Variants in CFAP46 observed in about 807,000 individuals in gnomAD.
The protein encoded by CFAP46 is cilia- and flagella-associated protein 46.
Under a neutral mutation model 325.7 loss-of-function variants are expected in CFAP46, and 245 were observed. The observed-to-expected ratio is 0.75, with a 90% CI of 0.68 to 0.84. CFAP46 has a LOEUF of 0.84. Among genes scored for constraint, CFAP46 ranks in the 40% least tolerant of loss-of-function variants. The probability of loss-of-function intolerance (pLI) is 0.00; values close to 1 mark genes in which losing one functional copy is unlikely to be tolerated. For synonymous variants in CFAP46, 1,523 were observed against 1,495.9 expected (o/e 1.02, Z -0.42); for missense variants, 3,346 against 3,543.0 (o/e 0.94, Z 1.41).
intron 6 of CFAP46, 77 bp from the exon 7 acceptor site, chr10:132,937,132 A>G (rs1850020660): frequency 1.2e-6 from 1 of 838,894 alleles, no homozygotes; most frequent in African/African-American, 1.8e-5. Context: ...TCTAGATTTT[A>G]TTTTCTCATT....
chr10:132,942,414 G>T, intron 1 of CFAP46, 22 bp downstream of exon 1: 16 of 1,364,354 alleles, frequency 1.2e-5, no homozygotes, highest in Non-Finnish European at 1.5e-5. Flanking sequence ...CGGGGCGGGG[G>T]TCGTGGCGGG....
chr10:132,872,422 A>C (rs908414395), intron 32 of CFAP46: 3 of 441,634 alleles, frequency 6.8e-6, no homozygotes, highest in African/African-American at 6.0e-5. Flanking sequence ...CCTGGCTAAT[A>C]TATTTTTTAA....
chr10:132,865,544 T>C (rs1848799913), intron 35 of CFAP46, among the ~76,000 whole-genome samples: 1 of 152,188 alleles, frequency 6.6e-6, no homozygotes, highest in Admixed American at 6.5e-5. Context: ...GGGCTTTCGC[T>C]GGGGACCGTA....
Position 132,833,341 on chromosome 10 carries a change from C to T in CFAP46, c.7117+17G>A, listed in dbSNP as rs761289998. 3.1e-6 allele frequency: 5 copies of T among 1,601,166 alleles called. No homozygotes were observed. The East Asian group carries it at 6.7e-5, about 22-fold the overall frequency. ...ATTTTAAAATTACACATTAAGGTGG[C>T]TGAGGGCAGTTCCTACCTGTCTCTT... On this transcript the variant is annotated intron_variant, in intron 50 of 57. Coordinates refer to ENST00000368586, the MANE Select transcript of CFAP46 (RefSeq NM_001200049.3).
intron 41 of CFAP46, among the ~76,000 whole-genome samples, chr10:132,849,538 G>A (rs555630297): frequency 1.4e-4 from 21 of 152,316 alleles, no homozygotes; most frequent in African/African-American, 5.1e-4. Context: ...CAAGTGTTTA[G>A]GAAGGTGACC....
chr10:132,905,396 CTT>C (rs1347320835), intron 22 of CFAP46, among the ~76,000 whole-genome samples: 3 of 151,146 alleles, frequency 2.0e-5, no homozygotes, highest in Admixed American at 1.3e-4. Context: ...GGGGACAGCT[CTT>C]GACTACCTTT....
At chr10:132,903,857 T>C (rs1235706951) in intron 22 of CFAP46, among the ~76,000 whole-genome samples, 1 of 152,246 alleles carries the variant, frequency 6.6e-6, no homozygotes, top group Admixed American at 6.5e-5. Flanking sequence ...AATGACACTC[T>C]TAAGACTATT....
rs1240073247 is a variant in CFAP46, at chr10:132,884,500, GGCCTGGGAT to G, written c.3627+594_3627+602del. On this transcript the variant is annotated intron_variant, in intron 27 of 57. Transcript: ENST00000368586. This position sits in a 1 kb window ranked among gnomAD's most constrained non-coding sequence, Gnocchi z 5.4. ...AAAGGTTCATGCCTTTCACACCAGG[GGCCTGGGAT>G]GCCTTTTCGTCCCCAAGATGAAGTT... Among the ~76,000 whole-genome samples, 3 of 152,104 alleles carry G rather than the reference GGCCTGGGAT, an allele frequency of 2.0e-5. No homozygotes were observed. The highest frequency in any genetic ancestry group is 2.9e-5 in the Non-Finnish European group (2 of 68,016).
chr10:132,894,143 G>A (rs1416723272), intron 24 of CFAP46, among the ~76,000 whole-genome samples: 1 of 152,244 alleles, frequency 6.6e-6, no homozygotes, highest in African/African-American at 2.4e-5. Context: ...GGTGGTGTGT[G>A]ACTCAAATAT....
chr10:132,834,564 C>G (rs1218546708), intron 48 of CFAP46, 90 bp downstream of exon 48: 28 of 1,532,866 alleles, frequency 1.8e-5, no homozygotes, highest in Non-Finnish European at 2.5e-5. Flanking sequence ...CGAGAAGGCA[C>G]AGCAAGCACA....
intron 9 of CFAP46, among the ~76,000 whole-genome samples, chr10:132,928,579 T>C (rs1251512800): frequency 3.3e-5 from 5 of 152,188 alleles, no homozygotes; most frequent in African/African-American, 1.2e-4. Context: ...TGCTGAGCCA[T>C]GGCCGTGTCT....
At chr10:132,846,301 C>CAAG in intron 43 of CFAP46, 74 bp from the exon 44 acceptor site, 16 of 1,505,132 alleles carry the variant, frequency 1.1e-5, no homozygotes, top group East Asian at 2.4e-5. Context: ...GCGGAGGGTG[C>CAAG]GCAGCAGCTG....
intron 15 of CFAP46, 95 bp from the exon 16 acceptor site, chr10:132,918,615 C>T (rs1221886459): frequency 7.1e-7 from 1 of 1,410,066 alleles, no homozygotes; most frequent in Non-Finnish European, 9.3e-7. Flanking sequence ...GCCTGAGCCT[C>T]TCCCCAGCTC....
chr10:132,882,960 C>T (rs931406529), intron 27 of CFAP46, among the ~76,000 whole-genome samples: 4 of 152,202 alleles, frequency 2.6e-5, no homozygotes, highest in East Asian at 3.9e-4. Context: ...TGAGGAGTGC[C>T]GGGGACCCTG....
chr10:132,851,091 C>T (rs542929926), intron 40 of CFAP46, 26 bp downstream of exon 40: 31 of 1,612,314 alleles, frequency 1.9e-5, no homozygotes, highest in African/African-American at 8.0e-5. Context: ...CTCCCTCCAC[C>T]GGGAATCTGT....
intron 10 of CFAP46, among the ~76,000 whole-genome samples, chr10:132,925,823 C>T (rs1470439470): frequency 1.3e-5 from 2 of 152,304 alleles, no homozygotes; most frequent in East Asian, 1.9e-4. Context: ...TCCCAGCTGC[C>T]GTGCTCATCC....
chr10:132,837,495 AT>A (rs1370520183), intron 44 of CFAP46, among the ~76,000 whole-genome samples: 1 of 100,390 alleles, frequency 1.0e-5, no homozygotes. Flanking sequence ...ACGTACACAG[AT>A]GCACACAGAC....
At chr10:132,839,249 T>C (rs2135048611) in intron 44 of CFAP46, among the ~76,000 whole-genome samples, 1 of 152,362 alleles carries the variant, frequency 6.6e-6, no homozygotes, top group Middle Eastern at 3.4e-3. Context: ...TCCTACCCTG[T>C]GTCTCCCGTG....
At chr10:132,922,030 G>A in intron 13 of CFAP46, 74 bp downstream of exon 13, 1 of 1,490,768 alleles carries the variant, frequency 6.7e-7, no homozygotes, top group Non-Finnish European at 9.0e-7. Flanking sequence ...GGGGACTGGG[G>A]AGGCCCCGGG....
Sources: allele counts gnomAD v4.1 joint callset (sites outside exome capture counted in the v4.1 genomes callset), GRCh38; gene constraint gnomAD v4.1.1; non-coding constraint Gnocchi (gnomAD v3.1); transcripts MANE v1.5; gene names NCBI Gene and HGNC (gene_info 2026-07-23, HGNC 2026-07-21).